Variants in PJA2 observed in about 807,000 individuals in gnomAD.
PJA2 encodes E3 ubiquitin-protein ligase Praja-2.
A neutral mutation model predicts 69.3 loss-of-function variants in PJA2; 25 were observed. The observed-to-expected ratio is 0.36, with a 90% CI of 0.26 to 0.50. The LOEUF is 0.50. Among genes scored for constraint, PJA2 ranks in the 20% least tolerant of loss-of-function variants. PJA2 has a pLI of 0.96. For missense variants in PJA2, 809 were observed against 830.2 expected (o/e 0.97, Z 0.31); for synonymous variants, 308 against 277.8 (o/e 1.11, Z -1.08).
chr5:109,340,995 T>C (rs1261260846), intron 9 of PJA2, among the ~76,000 whole-genome samples: 2 of 141,276 alleles, frequency 1.4e-5, no homozygotes, highest in Non-Finnish European at 3.2e-5. Flanking sequence ...CACTACAACC[T>C]ACACCTCCCA....
rs111267042 is a variant in PJA2, at chr5:109,337,435, G to A, written c.2002-79C>T. The A allele has an allele frequency of 1.4e-4, 195 of 1,433,850 alleles. 1 individual carries two copies. In the African/African-American group the frequency reaches 1.9e-3, roughly 14 times the overall value. The allele number at this position is 1,433,850 out of a possible 1,614,324, so 88.8% of individuals were successfully genotyped here. The stretch of plus-strand genomic sequence containing the variant: ...AGTAACTTAATAAAGAAAAAACAGT[G>A]TCATTATCCTAATAATAAGACTCTT... On this transcript the variant is annotated intron_variant, in intron 9 of 9. Coordinates refer to ENST00000361189, the MANE Select transcript of PJA2 (RefSeq NM_014819.5).
rs1219470276 is a variant in PJA2, at chr5:109,343,067, CGGGAAAGGT to C, written c.2001+1114_2001+1122del. On this transcript the variant is annotated intron_variant, in intron 9 of 9. Transcript: ENST00000361189. ...ATGGCGGCTTTGTGGAATAGAAAGG[CGGGAAAGGT>C]GGGGAAAAGATTGAGAAATCGGATG... 5.7e-5 allele frequency among the ~76,000 whole-genome samples: 6 copies of C among 105,398 alleles called. No homozygotes were observed. The East Asian group carries it at 8.9e-4, about 16-fold the overall frequency. The allele number at this position is 105,398 out of a possible 152,430, so 69.1% of individuals were successfully genotyped here.
rs560691894 is a variant in PJA2 at position 109,399,197 on chromosome 5, T to A, written c.-88+10645A>T. Among the ~76,000 whole-genome samples, 128 of 135,928 alleles carry A rather than the reference T, an allele frequency of 9.4e-4. 1 individual carries two copies. Among genetic ancestry groups the A allele is most frequent in the African/African-American group, 3.4e-3 (122 of 35,568 alleles). 89.2% of individuals were successfully genotyped at this position (135,928 alleles called of 152,430 possible). A position where few individuals can be genotyped will look rare whatever the true frequency, so the allele number is the denominator to read the frequency against. On this transcript the variant is annotated intron_variant, in intron 1 of 9. Transcript: ENST00000361189. Reference sequence around the variant, plus strand: ...ATGCACTCCAGCCTGGGTGACAGAGTGCAACTCTGTCTCAAAAAAAAAAAA... The same window carrying A: ...ATGCACTCCAGCCTGGGTGACAGAGAGCAACTCTGTCTCAAAAAAAAAAAA...
intron 5 of PJA2, among the ~76,000 whole-genome samples, chr5:109,366,944 T>A (rs527545499): frequency 6.6e-6 from 1 of 151,910 alleles, no homozygotes; most frequent in South Asian, 2.1e-4. Context: ...CCAACCTGGC[T>A]AACATGGTGA....
In PJA2 at chr5:109,368,693, C is replaced by T. The variant is rs532899984; in HGVS notation, c.1337G>A (p.Gly446Asp). Residue 446 changes from glycine (G) to aspartate (D), a missense_variant, in exon 5 of 10, where the codon GGT becomes GAT. Around this residue, in one of 4 missense-constraint regions of PJA2, gnomAD observed 700 missense variants for 639.5 expected, o/e 1.09. Transcript: ENST00000361189. ...ACTTGAGGATTGATCTTTTTCTGTACCAGAAAATCGATGAGGCAAAGAAGC... is the reference window on the plus strand; with the variant it reads ...ACTTGAGGATTGATCTTTTTCTGTATCAGAAAATCGATGAGGCAAAGAAGC... ...WSASLPHRFS[G>D]TEKDQSSSDE... is the part of the protein sequence containing the mutation. 107 of 1,613,882 alleles carry T rather than the reference C, an allele frequency of 6.6e-5. No homozygotes were observed. The highest frequency in any genetic ancestry group is 6.6e-5 in the South Asian group (6 of 91,066).
Position 109,344,727 on chromosome 5 carries a change from G to A in PJA2, c.1857C>T (p.Thr619=), listed in dbSNP as rs1413944141. The A allele has an allele frequency of 6.2e-7, 1 of 1,613,122 alleles. No homozygotes were observed. The highest frequency in any genetic ancestry group is 1.3e-5 in the African/African-American group (1 of 74,886). Residue 619 remains threonine, a synonymous_variant, in exon 8 of 10, where the codon ACC becomes ACT. Coordinates refer to ENST00000361189, the MANE Select transcript of PJA2 (RefSeq NM_014819.5). ...SKESIDGLPE[T]LVLEDHTAIG... Reference sequence around the variant, plus strand: ...TACCAGTGTGATCTTCAAGAACAAGGGTCTCTGGAAGACCATCAATGCTTT... The same window carrying A: ...TACCAGTGTGATCTTCAAGAACAAGAGTCTCTGGAAGACCATCAATGCTTT...
At chr5:109,343,852 T>C (rs1043862418) in intron 9 of PJA2, among the ~76,000 whole-genome samples, 1 of 152,110 alleles carries the variant, frequency 6.6e-6, no homozygotes, top group African/African-American at 2.4e-5. Context: ...TCCCAGCACT[T>C]TGGGAGGCTG....
chr5:109,374,646 T>C (rs191963965), intron 4 of PJA2, among the ~76,000 whole-genome samples: 382 of 152,334 alleles, frequency 2.5e-3, no homozygotes, highest in African/African-American at 8.8e-3. Context: ...CTAACAATCA[T>C]TTTATTTCCC....
chr5:109,353,177 T>C (rs1762299212), intron 7 of PJA2, among the ~76,000 whole-genome samples: 1 of 58,202 alleles, frequency 1.7e-5, no homozygotes, highest in Admixed American at 1.6e-4. Context: ...CTATAATATC[T>C]ATAGATATCT....
intron 6 of PJA2, among the ~76,000 whole-genome samples, chr5:109,356,445 T>A (rs1208055284): frequency 6.6e-6 from 1 of 152,182 alleles, no homozygotes; most frequent in African/African-American, 2.4e-5. Context: ...CCATTTTAGA[T>A]GTTGAATTTT....
chr5:109,389,385 T>C (rs535049376), intron 1 of PJA2, among the ~76,000 whole-genome samples: 3 of 152,254 alleles, frequency 2.0e-5, no homozygotes, highest in African/African-American at 7.2e-5. Flanking sequence ...ACTGTGTTTT[T>C]CAGGGATTAT....
chr5:109,357,317 G>T (rs1762429303), intron 6 of PJA2, among the ~76,000 whole-genome samples: 1 of 151,900 alleles, frequency 6.6e-6, no homozygotes, highest in Non-Finnish European at 1.5e-5. Flanking sequence ...AAATAGTTTT[G>T]ATGTCAACCC....
Position 109,353,109 on chromosome 5 carries a change from A to G in PJA2, c.1764+2806T>C, listed in dbSNP as rs996213754. ...ATAGACATCTATATATTAGATACCT[A>G]TATCTATAGACATCTATATATTAGA... On this transcript the variant is annotated intron_variant, in intron 7 of 9. Transcript: ENST00000361189. 3.4e-4 allele frequency among the ~76,000 whole-genome samples: 49 copies of G among 146,032 alleles called. No homozygotes were observed. In the East Asian group the frequency reaches 3.4e-3, roughly 10 times the overall value.
At chr5:109,350,288 TA>T (rs772106763) in intron 7 of PJA2, among the ~76,000 whole-genome samples, 215 of 141,646 alleles carry the variant, frequency 1.5e-3, no homozygotes, top group Middle Eastern at 3.6e-3. Context: ...CTATAAAAAT[TA>T]AAAAAAAAAA....
chr5:109,377,649 T>C (rs1746923877), intron 4 of PJA2, among the ~76,000 whole-genome samples: 1 of 152,172 alleles, frequency 6.6e-6, no homozygotes, highest in South Asian at 2.1e-4. Context: ...GTGCCTCAGT[T>C]TCCTTATTTA....
In PJA2 at chr5:109,356,043, AT is replaced by A. The variant is rs772507590; in HGVS notation, c.1653-18del. On this transcript the variant is annotated intron_variant, in intron 6 of 9. Coordinates refer to ENST00000361189, the MANE Select transcript of PJA2 (RefSeq NM_014819.5). Reference sequence around the variant, plus strand: ...TCAAATAGGCTGAAAAAAAAAAAAAATAACAGAAAAAACTCACCACTATGAT... The same window carrying A: ...TCAAATAGGCTGAAAAAAAAAAAAAAAACAGAAAAAACTCACCACTATGAT... 24 of 1,530,212 alleles carry A rather than the reference AT, an allele frequency of 1.6e-5. No individual in the cohort carries two copies. The highest frequency in any genetic ancestry group is 1.7e-4 in the Middle Eastern group (1 of 5,902). 94.8% of individuals were successfully genotyped at this position (1,530,212 alleles called of 1,614,324 possible).
At chr5:109,365,576 T>C (rs970110242) in intron 5 of PJA2, among the ~76,000 whole-genome samples, 2 of 81,736 alleles carry the variant, frequency 2.4e-5, no homozygotes, top group African/African-American at 5.9e-5. Context: ...TATTGTTGTA[T>C]GAATCCTTTT....
In PJA2 at chr5:109,362,922, C is replaced by A. The variant is rs764574828; in HGVS notation, c.1570G>T (p.Ala524Ser). The change falls in exon 6 of 10, where the codon GCA (alanine) becomes TCA (serine). Residue 524 changes from alanine to serine, a missense_variant. This residue lies in a region of PJA2 where 700 missense variants were observed against 639.5 expected (regional missense o/e 1.09). Coordinates refer to ENST00000361189, the MANE Select transcript of PJA2 (RefSeq NM_014819.5). The stretch of plus-strand genomic sequence containing the variant: ...CCATCCAACATGAAAGCTGGCTGTG[C>A]AAATTCATTGGCAGGTTCATTTCCC... ...DEGNEPANEF[A>S]QPAFMLDGNN... 1.5e-5 allele frequency: 24 copies of A among 1,613,718 alleles called. No homozygotes were observed. The highest frequency in any genetic ancestry group is 1.9e-5 in the Non-Finnish European group (23 of 1,179,810).
chr5:109,352,961 G>A (rs1476588570), intron 7 of PJA2, among the ~76,000 whole-genome samples: 424 of 128,652 alleles, frequency 3.3e-3, no homozygotes, highest in Middle Eastern at 5.1e-3. Flanking sequence ...TATATCTATA[G>A]ACATCTATAT....
Sources: gnomAD v4.1 joint callset for allele counts (sites outside exome capture counted in the v4.1 genomes callset) on GRCh38, gnomAD v4.1.1 for gene constraint, gnomAD v4.1.1 regional missense constraint, MANE v1.5 for transcripts, NCBI Gene and HGNC (gene_info 2026-07-23, HGNC 2026-07-21) for gene names.